The following SPATA13 variants were observed in gnomAD, a reference collection of about 807,000 sequenced individuals.
The protein encoded by SPATA13 is spermatogenesis-associated protein 13.
In SPATA13, 50 loss-of-function variants were observed where a neutral mutation model predicts 104.0. The ratio of observed to expected loss-of-function variants is 0.48; its 90% CI spans 0.38 to 0.61. The LOEUF is 0.61. Among genes scored for constraint, SPATA13 ranks in the 20% least tolerant of loss-of-function variants. The pLI is 0.00. For missense variants in SPATA13, 1,524 were observed against 1,690.6 expected (o/e 0.90, Z 1.73); for synonymous variants, 606 against 667.5 (o/e 0.91, Z 1.42).
intron 3 of SPATA13, among the ~76,000 whole-genome samples, chr13:24,118,373 T>A (rs1352967296): frequency 2.0e-5 from 3 of 152,180 alleles, no homozygotes; most frequent in Non-Finnish European, 4.4e-5. Context: ...ACAAAACTAC[T>A]CTTACTAGTT....
At chr13:24,157,642 C>T (rs117855043), upstream of SPATA13, among the ~76,000 whole-genome samples, 43 of 152,226 alleles carry the variant, frequency 2.8e-4, no homozygotes, top group East Asian at 6.4e-3. Flanking sequence ...GGAAGCCATA[C>T]GGGTTACTTT....
intron 2 of SPATA13, among the ~76,000 whole-genome samples, chr13:24,226,448 G>T (rs1253396134): frequency 6.6e-6 from 1 of 152,140 alleles, no homozygotes; most frequent in East Asian, 1.9e-4. Flanking sequence ...CTCATTAATT[G>T]ACTAAGCTAA....
rs74844538 is a variant in SPATA13, at chr13:24,002,137, G to A, written c.-146-15530G>A. On this transcript the variant is annotated intron_variant, in intron 2 of 14. Transcript: ENST00000424834. Reference sequence around the variant, plus strand: ...TGTTTGAGGCATGGGCTTCAAAAAAGCAGTGTCATAGCTTTTGACCTCTGT... The same window carrying A: ...TGTTTGAGGCATGGGCTTCAAAAAAACAGTGTCATAGCTTTTGACCTCTGT... Among the ~76,000 whole-genome samples, 192 of 152,212 alleles carry A rather than the reference G, an allele frequency of 1.3e-3. No individual in the cohort carries two copies. In the East Asian group the frequency reaches 0.032, roughly 25 times the overall value.
chr13:23,986,268 G>A (rs912777504), intron 2 of SPATA13, among the ~76,000 whole-genome samples: 1 of 152,108 alleles, frequency 6.6e-6, no homozygotes, highest in African/African-American at 2.4e-5. Context: ...CTTGTGCAAA[G>A]CCTTTGTATC....
intron 1 of SPATA13, among the ~76,000 whole-genome samples, chr13:24,204,544 C>T (rs1870594103): frequency 6.6e-6 from 1 of 152,132 alleles, no homozygotes; most frequent in Non-Finnish European, 1.5e-5. Context: ...CCATTCATCT[C>T]GAGAACTGTT....
intron 1 of SPATA13, among the ~76,000 whole-genome samples, chr13:24,190,271 T>TAACA (rs1566141559): frequency 3.0e-4 from 2 of 6,718 alleles, no homozygotes; most frequent in African/African-American, 4.1e-4. Context: ...ATAATATATA[T>TAACA]TATTATATAT....
intron 1 of SPATA13, among the ~76,000 whole-genome samples, chr13:24,178,345 C>T (rs962146665): frequency 2.0e-5 from 3 of 152,238 alleles, no homozygotes; most frequent in East Asian, 1.9e-4. Context: ...CATTATGATA[C>T]GGCTGCAAGG....
intron 1 of SPATA13, among the ~76,000 whole-genome samples, chr13:24,173,709 T>C (rs1195260813): frequency 1.3e-5 from 2 of 152,152 alleles, no homozygotes; most frequent in African/African-American, 4.8e-5. Context: ...CTGTATCAGT[T>C]GATGTGATTG....
chr13:24,118,676 C>A (rs1266176954), intron 3 of SPATA13, among the ~76,000 whole-genome samples: 1 of 152,086 alleles, frequency 6.6e-6, no homozygotes, highest in East Asian at 1.9e-4. Flanking sequence ...AGGAAGCACA[C>A]CCCAAGCAGG....
intron 3 of SPATA13, among the ~76,000 whole-genome samples, chr13:24,072,901 C>G (rs946835679): frequency 1.4e-5 from 2 of 144,018 alleles, no homozygotes; most frequent in Non-Finnish European, 3.0e-5. Context: ...AAAACTAAAC[C>G]TAATGCACAG....
chr13:24,303,728 A>C lies in SPATA13; in HGVS notation c.*955A>C. 6.6e-6 allele frequency: 1 copy of C among 152,530 alleles called. No individual in the cohort carries two copies. Among genetic ancestry groups the C allele is most frequent in the East Asian group, 1.9e-4 (1 of 5,200 alleles). 9.4% of individuals were successfully genotyped at this position (152,530 alleles called of 1,614,324 possible). A position where few individuals can be genotyped will look rare whatever the true frequency, so the allele number is the denominator to read the frequency against. On this transcript the variant is annotated 3_prime_UTR_variant, in exon 13 of 13. Coordinates refer to ENST00000382108, the MANE Select transcript of SPATA13 (RefSeq NM_001166271.3). ...CGAGACAAGCGTGGCCAATATGGCA[A>C]AGCCCAGTCTCTACTAATAATACAA...
chr13:24,178,684 C>T (rs776930667), intron 1 of SPATA13, among the ~76,000 whole-genome samples: 2 of 152,142 alleles, frequency 1.3e-5, no homozygotes, highest in Non-Finnish European at 2.9e-5. Flanking sequence ...TTGTACTGTG[C>T]CATTTCTGCC....
In SPATA13 at chr13:24,297,720, G is replaced by C; in HGVS notation, c.3568G>C (p.Glu1190Gln). ...TGCAGATGAAAGGAGGCGGGTGCAA[G>C]AGGACAAGGAGATGGGTGAGCAGCC... ...ACADERRRVQ[E>Q]DKEMGMEISE... is the part of the protein sequence containing the mutation. Residue 1190 changes from glutamate (E) to glutamine (Q), a missense_variant, in exon 11 of 13, where the codon GAG (glutamate) becomes CAG (glutamine). Around this residue, in one of 2 missense-constraint regions of SPATA13, gnomAD observed 435 missense variants for 554.8 expected, o/e 0.78. Transcript: ENST00000382108. 6.2e-7 allele frequency: 1 copy of C among 1,611,540 alleles called. No individual in the cohort carries two copies. The highest frequency in any genetic ancestry group is 1.7e-5 in the Admixed American group (1 of 59,980).
intron 1 of SPATA13, among the ~76,000 whole-genome samples, chr13:24,201,031 TCACACACACACACACACACACACACA>T (rs10529866): frequency 6.7e-6 from 1 of 150,290 alleles, no homozygotes; most frequent in African/African-American, 2.5e-5. Context: ...AGCTAGTCAG[TCACACACACACACACACACACACACA>T]CACACACACA....
intron 3 of SPATA13, among the ~76,000 whole-genome samples, chr13:24,038,005 G>A (rs1248557671): frequency 5.3e-5 from 8 of 151,658 alleles, no homozygotes; most frequent in Admixed American, 1.3e-4. Context: ...TCTACCTCCC[G>A]GGTTCACGCC....
chr13:24,106,991 C>T lies in SPATA13; in HGVS notation c.-112+89290C>T, dbSNP rs1011072798. 3.3e-5 allele frequency among the ~76,000 whole-genome samples: 5 copies of T among 151,550 alleles called. No individual in the cohort carries two copies. In the South Asian group the frequency reaches 1.0e-3, roughly 32 times the overall value. ...CTGATAGGATTCTAGTGCATTTGCT[C>T]TCTGAAAACTATATTTCTGGGAACC... On this transcript the variant is annotated intron_variant, in intron 3 of 14. Coordinates refer to the SPATA13 transcript ENST00000424834.
chr13:24,291,548 G>A (rs141771237), intron 9 of SPATA13, among the ~76,000 whole-genome samples: 53 of 152,254 alleles, frequency 3.5e-4, no homozygotes, highest in African/African-American at 1.1e-3. Context: ...CCGGGGTGCC[G>A]ACTCTCTGGT....
chr13:24,123,139 C>T, intron 3 of SPATA13: 6 of 1,084,272 alleles, frequency 5.5e-6, no homozygotes, highest in Non-Finnish European at 8.6e-6. Flanking sequence ...TCATCATTTT[C>T]TGTTTCTCTG....
rs1164938558 is a variant in SPATA13 at position 24,294,769 on chromosome 13, G to C, written c.3111G>C (p.Glu1037Asp). 6.2e-7 allele frequency: 1 copy of C among 1,606,238 alleles called. No homozygotes were observed. The highest frequency in any genetic ancestry group is 8.5e-7 in the Non-Finnish European group (1 of 1,173,316). The change falls in exon 10 of 13, where the codon GAG becomes GAC. Residue 1037 changes from glutamate (E) to aspartate (D), a missense_variant. Glu to Asp is a conservative substitution (Grantham distance 45, BLOSUM62 2). This residue lies in a region of SPATA13 where 435 missense variants were observed against 554.8 expected (regional missense o/e 0.78). Transcript: ENST00000382108. ...ACAGCAACATAAAGGCAGCATATGA[G>C]GCCATGAAGAATGTGGCCTGTCTGA... is the stretch of plus-strand genomic sequence containing the variant. ...GDYSNIKAAY[E>D]AMKNVACLIN...
Sources: gnomAD v4.1 joint callset for allele counts (sites outside exome capture counted in the v4.1 genomes callset) on GRCh38, gnomAD v4.1.1 for gene constraint, gnomAD v4.1.1 regional missense constraint, MANE v1.5 for transcripts, NCBI Gene and HGNC (gene_info 2026-07-23, HGNC 2026-07-21) for gene names.